The following ATRN variants were observed in gnomAD, a reference collection of about 807,000 sequenced individuals.
The protein encoded by ATRN is attractin-2.
ATRN carries 54 observed loss-of-function variants against 178.7 expected under a neutral mutation model. That is an observed-to-expected ratio of 0.30 (90% CI 0.24 to 0.38). The LOEUF (loss-of-function observed/expected upper bound fraction) is 0.38. Among genes scored for constraint, ATRN ranks in the 10% least tolerant of loss-of-function variants. ATRN has a pLI of 1.00. For synonymous variants in ATRN, 636 were observed against 663.0 expected, an observed-to-expected ratio of 0.96 and a Z score of 0.63; for missense variants, 1,443 against 1,815.1, an observed-to-expected ratio of 0.79 and a Z score of 3.73.
At chr20:3,496,155 G>T (rs111421977) in intron 1 of ATRN, among the ~76,000 whole-genome samples, 2 of 151,712 alleles carry the variant, frequency 1.3e-5, no homozygotes, top group African/African-American at 4.8e-5. Context: ...ATTTCCTTCA[G>T]TTCTGCTCTG....
chr20:3,578,390 C>T (rs1301779948), intron 14 of ATRN, among the ~76,000 whole-genome samples, 192 bp from the exon 15 acceptor site: 3 of 152,130 alleles, frequency 2.0e-5, no homozygotes, highest in African/African-American at 7.2e-5. Flanking sequence ...GAGATATCAC[C>T]AGTAAACATT....
intron 24 of ATRN, chr20:3,615,748 G>T (rs566994747): frequency 9.7e-5 from 44 of 453,810 alleles, no homozygotes; most frequent in East Asian, 2.1e-4. Flanking sequence ...TAGAGACAGG[G>T]TTTTACCATG....
intron 23 of ATRN, 62 bp downstream of exon 23, chr20:3,601,086 T>C (rs371826879): frequency 1.6e-5 from 24 of 1,469,580 alleles, no homozygotes; most frequent in East Asian, 4.5e-5. Flanking sequence ...AAATGTAATA[T>C]AGGAATTGAG....
intron 24 of ATRN, among the ~76,000 whole-genome samples, chr20:3,622,078 A>G (rs1019407817): frequency 2.0e-5 from 3 of 152,218 alleles, no homozygotes; most frequent in Non-Finnish European, 4.4e-5. Flanking sequence ...AATACGGGCT[A>G]TGAATTAAAT....
At chr20:3,558,495 A>G (rs1157307652) in intron 6 of ATRN, among the ~76,000 whole-genome samples, 1 of 152,004 alleles carries the variant, frequency 6.6e-6, no homozygotes, top group East Asian at 1.9e-4. Flanking sequence ...AAACTTTTAT[A>G]GAAAAGAAAC....
At chr20:3,644,309 G>T (rs746127326) in intron 28 of ATRN, 41 bp downstream of exon 28, 1 of 1,502,332 alleles carries the variant, frequency 6.7e-7, no homozygotes, top group Non-Finnish European at 9.3e-7. Context: ...TTCTAAGCAT[G>T]TGAGGGAGCT....
At chr20:3,527,209 A>G (rs1213928878) in intron 1 of ATRN, among the ~76,000 whole-genome samples, 4 of 152,238 alleles carry the variant, frequency 2.6e-5, no homozygotes, top group Non-Finnish European at 5.9e-5. Context: ...CCCAGAATCT[A>G]CAAAGACCAA....
intron 1 of ATRN, among the ~76,000 whole-genome samples, chr20:3,472,409 A>AT (rs895356107): frequency 1.3e-5 from 2 of 152,184 alleles, no homozygotes; most frequent in Non-Finnish European, 1.5e-5. Flanking sequence ...TTTGACAGGT[A>AT]TTTAGCTTAC....
intron 11 of ATRN, among the ~76,000 whole-genome samples, chr20:3,571,322 C>T (rs1246051805): frequency 2.0e-5 from 3 of 152,228 alleles, no homozygotes; most frequent in Non-Finnish European, 4.4e-5. Flanking sequence ...TGCCCTCTGG[C>T]ATAAGTGGGT....
intron 2 of ATRN, among the ~76,000 whole-genome samples, chr20:3,537,281 T>C (rs1423113195): frequency 2.0e-5 from 3 of 152,204 alleles, no homozygotes; most frequent in Non-Finnish European, 2.9e-5. Context: ...AGGCTTGCTT[T>C]CCTCATTTTT....
chr20:3,572,382 C>A (rs924591238), intron 11 of ATRN, among the ~76,000 whole-genome samples: 16 of 152,236 alleles, frequency 1.1e-4, no homozygotes, highest in African/African-American at 3.9e-4. Context: ...ATTATTGGAA[C>A]TATTCTGGGT....
Position 3,560,864 on chromosome 20 carries a change from C to T in ATRN, c.1406C>T (p.Pro469Leu). The change falls in exon 8 of 29, where the codon CCT becomes CTT. Residue 469 changes from proline (P) to leucine (L), a missense_variant. Pro to Leu is a moderately conservative substitution (Grantham distance 98, BLOSUM62 -3). Around this residue, in one of 4 missense-constraint regions of ATRN, gnomAD observed 862 missense variants for 972.1 expected, o/e 0.89. Transcript: ENST00000262919. ...ATGCTGGTCATCTTTGGTCACTGCCCTCTCTATGGATATATAAGCAATGTG... is the reference window on the plus strand; with the variant it reads ...ATGCTGGTCATCTTTGGTCACTGCCTTCTCTATGGATATATAAGCAATGTG... ...VVMLVIFGHC[P>L]LYGYISNVQE... The T allele has an allele frequency of 6.2e-7, 1 of 1,614,034 alleles. No individual in the cohort carries two copies. Among genetic ancestry groups the T allele is most frequent in the Non-Finnish European group, 8.5e-7 (1 of 1,180,000 alleles).
chr20:3,549,494 T>C (rs1402123214), intron 6 of ATRN, among the ~76,000 whole-genome samples, 156 bp downstream of exon 6: 1 of 152,252 alleles, frequency 6.6e-6, no homozygotes, highest in East Asian at 1.9e-4. Flanking sequence ...TTTTGACATA[T>C]GTTGAGTTTT....
chr20:3,507,949 C>T (rs964672097), intron 1 of ATRN, among the ~76,000 whole-genome samples: 5 of 151,916 alleles, frequency 3.3e-5, no homozygotes, highest in Non-Finnish European at 5.9e-5. Context: ...GTGATCCACC[C>T]GTCTCGGCCT....
At chr20:3,574,992 C>A (rs981841059) in intron 12 of ATRN, among the ~76,000 whole-genome samples, 1 of 149,818 alleles carries the variant, frequency 6.7e-6, no homozygotes, top group Non-Finnish European at 1.5e-5. Flanking sequence ...GAGTCTCACT[C>A]TGTAGCCCAG....
At chr20:3,474,723 C>G (rs1285070322) in intron 1 of ATRN, among the ~76,000 whole-genome samples, 1 of 149,202 alleles carries the variant, frequency 6.7e-6, no homozygotes, top group African/African-American at 2.5e-5. Flanking sequence ...ACAACAACAA[C>G]AACAAAAACT....
At chr20:3,478,243 T>A (rs931107356) in intron 1 of ATRN, among the ~76,000 whole-genome samples, 7 of 152,156 alleles carry the variant, frequency 4.6e-5, no homozygotes, top group Non-Finnish European at 1.0e-4. Context: ...TGTGTCTCTA[T>A]GCACACGTAT....
At chr20:3,501,261 G>T (rs2084960530) in intron 1 of ATRN, among the ~76,000 whole-genome samples, 1 of 152,162 alleles carries the variant, frequency 6.6e-6, no homozygotes, top group African/African-American at 2.4e-5. Context: ...CCATAAATTT[G>T]AGTTGGAGAT....
chr20:3,511,496 A>C lies in ATRN; in HGVS notation c.411-23757A>C, dbSNP rs1023456470. Among the ~76,000 whole-genome samples, 13 of 152,220 alleles carry C rather than the reference A, an allele frequency of 8.5e-5. No homozygotes were observed. The South Asian group carries it at 2.5e-3, about 29-fold the overall frequency. ...TGTTTTGTTGTATAATTTTTAAACTATATGGCACAACACAGTAAATACTCA... is the reference window on the plus strand; with the variant it reads ...TGTTTTGTTGTATAATTTTTAAACTCTATGGCACAACACAGTAAATACTCA... On this transcript the variant is annotated intron_variant, in intron 1 of 28. Coordinates refer to ENST00000262919, the MANE Select transcript of ATRN (RefSeq NM_139321.3).
Sources: allele counts gnomAD v4.1 joint callset (sites outside exome capture counted in the v4.1 genomes callset), GRCh38; gene constraint gnomAD v4.1.1; regional missense constraint gnomAD v4.1.1; transcripts MANE v1.5; gene names NCBI Gene and HGNC (gene_info 2026-07-23, HGNC 2026-07-21).